TJP1: variants seen among roughly 807,000 people sequenced by gnomAD.
TJP1 encodes the protein tight junction protein ZO-1.
Under a neutral mutation model 194.2 loss-of-function variants are expected in TJP1, and 43 were observed. That is an observed-to-expected ratio of 0.22 (90% CI 0.17 to 0.29). TJP1 has a LOEUF of 0.29. Among genes scored for constraint, TJP1 ranks in the 10% least tolerant of loss-of-function variants. TJP1 has a pLI of 1.00. For missense variants in TJP1, 1,971 were observed against 2,185.7 expected (o/e 0.90, Z 1.96); for synonymous variants, 801 against 779.0 (o/e 1.03, Z -0.47).
At chr15:29,794,943 A>C (rs1451643164) in intron 2 of TJP1, among the ~76,000 whole-genome samples, 1 of 152,212 alleles carries the variant, frequency 6.6e-6, no homozygotes, top group Non-Finnish European at 1.5e-5. Flanking sequence ...TTTTGAAAAG[A>C]TCAATAAAAT....
At chr15:29,832,980 C>T (rs2050885441) in intron 2 of TJP1, among the ~76,000 whole-genome samples, 1 of 152,180 alleles carries the variant, frequency 6.6e-6, no homozygotes, top group Non-Finnish European at 1.5e-5. Flanking sequence ...GCCACCCCAG[C>T]ACACATCAAC....
chr15:29,723,917 C>T (rs2043084543), intron 18 of TJP1, among the ~76,000 whole-genome samples: 1 of 152,166 alleles, frequency 6.6e-6, no homozygotes, highest in Non-Finnish European at 1.5e-5. Context: ...TCCCTGAAGA[C>T]CCTGCCTAGA....
At chr15:29,934,894 G>A (rs2054833727) in intron 2 of TJP1, among the ~76,000 whole-genome samples, 1 of 152,148 alleles carries the variant, frequency 6.6e-6, no homozygotes, top group African/African-American at 2.4e-5. Context: ...TTTACAAAAT[G>A]TTTAACAATT....
chr15:29,949,096 C>T (rs2055395648), intron 2 of TJP1, among the ~76,000 whole-genome samples: 1 of 150,720 alleles, frequency 6.6e-6, no homozygotes, highest in South Asian at 2.1e-4. Flanking sequence ...CCTTCACCAC[C>T]ACCTCCACCA....
At chr15:29,786,554 C>T (rs1376895460) in intron 2 of TJP1, among the ~76,000 whole-genome samples, 2 of 152,134 alleles carry the variant, frequency 1.3e-5, no homozygotes, top group African/African-American at 4.8e-5. Flanking sequence ...GAATGGAGTG[C>T]AGTGGTGCAA....
chr15:29,870,534 C>T (rs2052475722), intron 2 of TJP1, among the ~76,000 whole-genome samples: 1 of 152,174 alleles, frequency 6.6e-6, no homozygotes, highest in African/African-American at 2.4e-5. Flanking sequence ...AACAATGTTC[C>T]TGTAAACAGG....
intron 7 of TJP1, 117 bp downstream of exon 7, chr15:29,761,484 A>AT: frequency 7.3e-7 from 1 of 1,368,166 alleles, no homozygotes. Context: ...AAACTTATAG[A>AT]TTTTGAAGGT....
At chr15:29,958,603 G>T (rs7174134) in intron 1 of TJP1, among the ~76,000 whole-genome samples, 1 of 152,004 alleles carries the variant, frequency 6.6e-6, no homozygotes, top group African/African-American at 2.4e-5. Flanking sequence ...ACTCTAGTTA[G>T]CTATATACAC....
Position 29,722,950 on chromosome 15 carries a change from T to C in TJP1, c.2413-2242A>G, listed in dbSNP as rs965415503. On this transcript the variant is annotated intron_variant, in intron 18 of 27. Coordinates refer to ENST00000614355, the MANE Select transcript of TJP1 (RefSeq NM_001330239.4). The stretch of plus-strand genomic sequence containing the variant: ...TTTCATGGGGATTGGAGCTCCTTTG[T>C]TTTGGCAGACTTCTCCATTTTGAAA... Among the ~76,000 whole-genome samples the C allele has an allele frequency of 3.9e-5, 6 of 152,200 alleles. No individual in the cohort carries two copies. The South Asian group carries it at 1.2e-3, about 31-fold the overall frequency.
intron 2 of TJP1, among the ~76,000 whole-genome samples, chr15:29,839,609 C>T (rs1383893376): frequency 6.6e-6 from 1 of 151,936 alleles, no homozygotes; most frequent in African/African-American, 2.4e-5. Flanking sequence ...ACACTTTACT[C>T]CATCTTTGGT....
intron 2 of TJP1, among the ~76,000 whole-genome samples, chr15:29,893,208 G>C (rs2053368510): frequency 6.6e-6 from 1 of 152,188 alleles, no homozygotes. Context: ...CTGAAGATGT[G>C]ACTGAATTGC....
chr15:29,789,078 T>C (rs2047902369), intron 2 of TJP1, among the ~76,000 whole-genome samples: 1 of 152,248 alleles, frequency 6.6e-6, no homozygotes, highest in Admixed American at 6.5e-5. Flanking sequence ...ATTTTGTGCA[T>C]ACTAAATAAG....
intron 2 of TJP1, among the ~76,000 whole-genome samples, chr15:29,859,597 G>A (rs565192965): frequency 3.8e-4 from 58 of 152,084 alleles, no homozygotes; most frequent in Middle Eastern, 3.4e-3. Flanking sequence ...CTGTGAAACC[G>A]GGTTCCTCAG....
chr15:29,928,840 G>A (rs2054610725), intron 2 of TJP1, among the ~76,000 whole-genome samples: 1 of 152,092 alleles, frequency 6.6e-6, no homozygotes, highest in Non-Finnish European at 1.5e-5. Flanking sequence ...TACTCGGGAG[G>A]CTGAGACAGG....
intron 2 of TJP1, among the ~76,000 whole-genome samples, chr15:29,932,568 G>A (rs575840613): frequency 2.0e-5 from 3 of 151,800 alleles, no homozygotes; most frequent in Non-Finnish European, 4.4e-5. Context: ...GAAAAAAAAG[G>A]GTTTTTTAAA....
intron 25 of TJP1, among the ~76,000 whole-genome samples, chr15:29,706,996 C>T (rs1397573595): frequency 1.3e-5 from 2 of 152,198 alleles, no homozygotes; most frequent in Admixed American, 6.5e-5. Context: ...GTGCATCTCA[C>T]GGCTGACAGC....
chr15:29,922,541 A>C (rs1043353981), intron 2 of TJP1, among the ~76,000 whole-genome samples: 3 of 152,216 alleles, frequency 2.0e-5, no homozygotes, highest in Admixed American at 6.5e-5. Flanking sequence ...AGAGTCTTCT[A>C]AAATTAAAGT....
chr15:29,732,965 AGT>A, intron 13 of TJP1, 127 bp downstream of exon 13: 1 of 1,253,316 alleles, frequency 8.0e-7, no homozygotes, highest in Non-Finnish European at 1.1e-6. Context: ...TGTAAACCTA[AGT>A]CAGTTATAGA....
intron 2 of TJP1, among the ~76,000 whole-genome samples, chr15:29,834,782 A>T (rs1026164011): frequency 6.6e-6 from 1 of 152,180 alleles, no homozygotes; most frequent in African/African-American, 2.4e-5. Flanking sequence ...GGCAGAAACC[A>T]GGGTCCCCAC....
Sources: gnomAD v4.1 joint callset for allele counts (sites outside exome capture counted in the v4.1 genomes callset) on GRCh38, gnomAD v4.1.1 for gene constraint, MANE v1.5 for transcripts, NCBI Gene and HGNC (gene_info 2026-07-23, HGNC 2026-07-21) for gene names.